Variants in GABRA3 observed in about 807,000 individuals in gnomAD.
The protein encoded by GABRA3 is gamma-aminobutyric acid type A receptor subunit alpha3.
Under a neutral mutation model 30.1 loss-of-function variants are expected in GABRA3, and 10 were observed. The observed-to-expected ratio is 0.33, with a 90% CI of 0.20 to 0.56. The LOEUF (loss-of-function observed/expected upper bound fraction) is 0.56. GABRA3 is among the 20% of genes least tolerant of loss of function. The pLI is 0.89. For synonymous variants in GABRA3, 151 were observed against 146.8 expected (o/e 1.03, Z -0.21); for missense variants, 233 against 392.0 (o/e 0.59, Z 3.42).
intron 7 of GABRA3, among the ~76,000 whole-genome samples, chrX:152,199,151 G>C (rs1025730886): frequency 9.0e-6 from 1 of 110,751 alleles, no homozygotes. Context: ...CAGATTACGA[G>C]GTCAGGAGAT....
At chrX:152,271,054 C>T (rs181113436) in intron 4 of GABRA3, among the ~76,000 whole-genome samples, 3 of 107,792 alleles carry the variant, frequency 2.8e-5, no homozygotes, top group Non-Finnish European at 5.8e-5. Flanking sequence ...CTCTGCCTCC[C>T]GGGTTCAAGC....
At chrX:152,281,974 T>C (rs975729918) in intron 4 of GABRA3, among the ~76,000 whole-genome samples, 2 of 112,067 alleles carry the variant, frequency 1.8e-5, no homozygotes, top group African/African-American at 3.2e-5. Context: ...GAGTTTGCCA[T>C]GTACCAAACA....
intron 1 of GABRA3, among the ~76,000 whole-genome samples, chrX:152,405,651 C>T (rs1929913937): frequency 9.0e-6 from 1 of 111,107 alleles, no homozygotes; most frequent in Non-Finnish European, 1.9e-5. Context: ...AATAAACCAC[C>T]AAGCAAATTC....
chrX:152,187,320 G>A (rs765213871), intron 9 of GABRA3: 2 of 111,537 alleles, frequency 1.8e-5, no homozygotes, highest in African/African-American at 6.5e-5. Flanking sequence ...TGACACTGAG[G>A]ATACCTGCTG....
At chrX:152,257,261 T>C (rs753601778) in intron 4 of GABRA3, among the ~76,000 whole-genome samples, 36 of 111,988 alleles carry the variant, frequency 3.2e-4, no homozygotes, top group Admixed American at 8.5e-4. Context: ...GATTGGAAGA[T>C]GGAAATTCAT....
intron 1 of GABRA3, among the ~76,000 whole-genome samples, chrX:152,417,932 G>A (rs1244302530): frequency 5.0e-5 from 5 of 99,541 alleles, no homozygotes; most frequent in Non-Finnish European, 1.0e-4. Context: ...GCTAGATGAC[G>A]AGTTAGTGGG....
At chrX:152,229,906 A>T (rs112989506) in intron 5 of GABRA3, among the ~76,000 whole-genome samples, 8,411 of 110,940 alleles carry the variant, frequency 0.076, 325 homozygotes, top group Middle Eastern at 0.14. Context: ...TATGATTAAA[A>T]ACTCTCAAAA....
intron 1 of GABRA3, among the ~76,000 whole-genome samples, chrX:152,379,168 C>T (rs1929075582): frequency 9.0e-6 from 1 of 111,294 alleles, no homozygotes; most frequent in South Asian, 3.7e-4. Context: ...AGAAAATACA[C>T]ATTTAAAAAA....
At chrX:152,174,634 A>G (rs1428008148) in intron 9 of GABRA3, among the ~76,000 whole-genome samples, 3 of 110,786 alleles carry the variant, frequency 2.7e-5, no homozygotes, top group African/African-American at 6.6e-5. Context: ...TTTTTGATGG[A>G]GTTGTTTGTT....
intron 3 of GABRA3, among the ~76,000 whole-genome samples, chrX:152,332,583 C>T (rs1467813976): frequency 1.8e-5 from 2 of 111,903 alleles, no homozygotes; most frequent in Non-Finnish European, 3.8e-5. Context: ...CAAGGTATCT[C>T]GACCCTTTTT....
chrX:152,344,863 C>G (rs1940367453), intron 3 of GABRA3, among the ~76,000 whole-genome samples: 1 of 111,566 alleles, frequency 9.0e-6, no homozygotes, highest in African/African-American at 3.3e-5. Flanking sequence ...ATGAAAATTT[C>G]TATAAAGTAC....
At chrX:152,339,403 G>C (rs1449204361) in intron 3 of GABRA3, among the ~76,000 whole-genome samples, 1 of 110,230 alleles carries the variant, frequency 9.1e-6, no homozygotes, top group Non-Finnish European at 1.9e-5. Flanking sequence ...ATGTTTAGTA[G>C]AGACGGGGTT....
chrX:152,273,823 A>G (rs1289354722), intron 4 of GABRA3, among the ~76,000 whole-genome samples: 1 of 111,737 alleles, frequency 8.9e-6, no homozygotes, highest in South Asian at 3.8e-4. Context: ...ACAAAAAAGA[A>G]CAAAAGATAT....
At chrX:152,380,383 G>T (rs1300883129) in intron 1 of GABRA3, among the ~76,000 whole-genome samples, 4 of 112,104 alleles carry the variant, frequency 3.6e-5, no homozygotes, top group African/African-American at 1.3e-4. Flanking sequence ...ATTTCAGTTA[G>T]CATAGTATCC....
At chrX:152,430,200 T>C (rs1930618843) in intron 1 of GABRA3, among the ~76,000 whole-genome samples, 1 of 110,789 alleles carries the variant, frequency 9.0e-6, no homozygotes, top group Non-Finnish European at 1.9e-5. Flanking sequence ...CAACCACAAC[T>C]GTTAAAGAAA....
chrX:152,170,182 G>A (rs1031984468), intron 9 of GABRA3, among the ~76,000 whole-genome samples: 1 of 112,506 alleles, frequency 8.9e-6, no homozygotes, highest in African/African-American at 3.2e-5. Context: ...CAAGTACTAT[G>A]GGAAATCAGT....
intron 1 of GABRA3, among the ~76,000 whole-genome samples, chrX:152,374,598 T>C (rs1915513061): frequency 1.8e-5 from 2 of 111,322 alleles, no homozygotes; most frequent in South Asian, 7.6e-4. Flanking sequence ...GATCTGCCTG[T>C]CTCGGCCTCT....
At position 152,227,459 on chromosome X, in the gene GABRA3, C is replaced by T. The variant is rs181604160; in HGVS notation, c.552-2614G>A. Among the ~76,000 whole-genome samples the T allele has an allele frequency of 2.3e-3, 240 of 105,041 alleles. 1 individual carries two copies. Among genetic ancestry groups the T allele is most frequent in the African/African-American group, 7.9e-3 (226 of 28,639 alleles). 91.2% of individuals were successfully genotyped at this position (105,041 alleles called of 115,157 possible). A position where few individuals can be genotyped will look rare whatever the true frequency, so the allele number is the denominator to read the frequency against. ...ATGACGAGTTAATGGGTGCAGCACA[C>T]GAGCATGGCACATGTATACATATGT... is the stretch of plus-strand genomic sequence containing the variant. On this transcript the variant is annotated intron_variant, in intron 5 of 9. Transcript: ENST00000370314.
chrX:152,404,226 A>G (rs951375798), intron 1 of GABRA3, among the ~76,000 whole-genome samples: 4 of 111,725 alleles, frequency 3.6e-5, no homozygotes, highest in Non-Finnish European at 7.5e-5. Context: ...TCAAGTTTTT[A>G]CAATTAAAAC....
Sources: allele counts gnomAD v4.1 joint callset (sites outside exome capture counted in the v4.1 genomes callset), GRCh38; gene constraint gnomAD v4.1.1; transcripts MANE v1.5; gene names NCBI Gene and HGNC (gene_info 2026-07-23, HGNC 2026-07-21).